The following GPC6 variants were observed in gnomAD, a reference collection of about 807,000 sequenced individuals.
GPC6 encodes glypican-6.
GPC6 carries 14 observed loss-of-function variants against 55.2 expected under a neutral mutation model. That is an observed-to-expected ratio of 0.25 (90% confidence interval 0.17 to 0.40). The LOEUF (loss-of-function observed/expected upper bound fraction) is 0.40. Ranked by LOEUF, GPC6 falls within the 10% of genes least tolerant of loss-of-function variation. The pLI, the probability that GPC6 is intolerant of heterozygous loss-of-function variation, is 1.00. For synonymous variants in GPC6, 278 were observed against 259.6 expected, an observed-to-expected ratio of 1.07 and a Z score of -0.68; for missense variants, 641 against 708.5, an observed-to-expected ratio of 0.90 and a Z score of 1.08.
Position 93,904,469 on chromosome 13 carries a change from T to C in GPC6, c.711+73924T>C, listed in dbSNP as rs1185695064. Among the ~76,000 whole-genome samples the C allele has an allele frequency of 2.0e-5, 3 of 152,188 alleles. 1 individual carries two copies. The highest frequency in any genetic ancestry group is 4.4e-5 in the Non-Finnish European group (3 of 68,038). On this transcript the variant is annotated intron_variant, in intron 3 of 8. Coordinates refer to ENST00000377047, the MANE Select transcript of GPC6 (RefSeq NM_005708.5). Reference sequence around the variant, plus strand: ...TGTGCAATGATAGCCTGTTATGATCTGTCAGAAGTGGAAAAACTTAACTTT... The same window carrying C: ...TGTGCAATGATAGCCTGTTATGATCCGTCAGAAGTGGAAAAACTTAACTTT...
chr13:94,372,100 CTT>C (rs1403792312), intron 6 of GPC6, among the ~76,000 whole-genome samples: 6 of 151,358 alleles, frequency 4.0e-5, no homozygotes, highest in African/African-American at 1.5e-4. Context: ...TTTTCCTTCT[CTT>C]TGTTTCTTTC....
intron 4 of GPC6, among the ~76,000 whole-genome samples, chr13:94,041,859 CA>C (rs919925559): frequency 6.6e-6 from 1 of 151,780 alleles, no homozygotes; most frequent in Non-Finnish European, 1.5e-5. Flanking sequence ...TTTCAACTTA[CA>C]AAAAAGTTGC....
chr13:94,204,871 C>T (rs1442206841), intron 4 of GPC6, among the ~76,000 whole-genome samples: 6 of 152,102 alleles, frequency 3.9e-5, no homozygotes, highest in Non-Finnish European at 7.4e-5. Flanking sequence ...CTTTAATAAA[C>T]ATTTATCTCT....
intron 4 of GPC6, among the ~76,000 whole-genome samples, chr13:94,117,924 A>G (rs1461643821): frequency 1.3e-5 from 2 of 152,116 alleles, no homozygotes; most frequent in Admixed American, 6.6e-5. Context: ...GAGGACATGT[A>G]ATTTGGAAAC....
chr13:93,644,850 C>G (rs552364435), intron 2 of GPC6, among the ~76,000 whole-genome samples: 1 of 151,880 alleles, frequency 6.6e-6, no homozygotes, highest in South Asian at 2.1e-4. Flanking sequence ...TGTATTTTTT[C>G]CCTGAAATTA....
chr13:93,568,158 A>G (rs1876228067), intron 2 of GPC6, among the ~76,000 whole-genome samples: 1 of 152,216 alleles, frequency 6.6e-6, no homozygotes, highest in Non-Finnish European at 1.5e-5. Flanking sequence ...AGGGATTCAG[A>G]TACTCCCTCC....
intron 1 of GPC6, among the ~76,000 whole-genome samples, chr13:93,411,583 A>T (rs1046546695): frequency 6.6e-6 from 1 of 152,224 alleles, no homozygotes; most frequent in Non-Finnish European, 1.5e-5. Context: ...CTCTGGGCAC[A>T]CTTATAGAAG....
intron 3 of GPC6, among the ~76,000 whole-genome samples, chr13:93,889,619 T>C (rs1356548016): frequency 6.6e-6 from 1 of 152,166 alleles, no homozygotes; most frequent in Non-Finnish European, 1.5e-5. Context: ...TACTTTGTAA[T>C]GAAGCTGAAT....
intron 3 of GPC6, among the ~76,000 whole-genome samples, chr13:93,863,469 T>C (rs145881411): frequency 6.6e-6 from 1 of 151,874 alleles, no homozygotes; most frequent in African/African-American, 2.4e-5. Context: ...AAACATGTTT[T>C]TATGTTACAG....
chr13:93,395,336 A>G lies in GPC6; in HGVS notation c.161-149927A>G, dbSNP rs1246219717. ...CTCTTGCTTTGACAGGGTTTTCCCAACTTCACAGTTGTGTCCATTCACAGG... is the reference window on the plus strand; with the variant it reads ...CTCTTGCTTTGACAGGGTTTTCCCAGCTTCACAGTTGTGTCCATTCACAGG... On this transcript the variant is annotated intron_variant, in intron 1 of 8. Coordinates refer to ENST00000377047, the MANE Select transcript of GPC6 (RefSeq NM_005708.5). 6.3e-6 allele frequency: 3 copies of G among 472,752 alleles called. No homozygotes were observed. The Admixed American group carries it at 7.0e-5, about 11-fold the overall frequency. 29.3% of individuals were successfully genotyped at this position (472,752 alleles called of 1,614,324 possible). A position where few individuals can be genotyped will look rare whatever the true frequency, so the allele number is the denominator to read the frequency against.
At chr13:94,382,283 T>C in intron 6 of GPC6, 131 bp from the exon 7 acceptor site, 1 of 937,946 alleles carries the variant, frequency 1.1e-6, no homozygotes, top group South Asian at 1.5e-5. Flanking sequence ...AGTGTCTCTC[T>C]CTTAAAACTG....
intron 4 of GPC6, among the ~76,000 whole-genome samples, chr13:94,037,320 T>C (rs554416631): frequency 1.3e-5 from 2 of 152,142 alleles, no homozygotes; most frequent in African/African-American, 4.8e-5. Flanking sequence ...TACCACACTT[T>C]ATTAATTAAA....
chr13:94,377,491 A>G (rs1220311530), intron 6 of GPC6, among the ~76,000 whole-genome samples: 3 of 148,832 alleles, frequency 2.0e-5, no homozygotes, highest in Non-Finnish European at 3.0e-5. Flanking sequence ...CAAAACCACA[A>G]TGAGATACCA....
chr13:94,232,217 T>G (rs1349063512), intron 4 of GPC6, among the ~76,000 whole-genome samples: 1 of 152,224 alleles, frequency 6.6e-6, no homozygotes, highest in Non-Finnish European at 1.5e-5. Flanking sequence ...TGACCATGTT[T>G]AGCTTAGTTC....
chr13:94,377,381 C>T (rs1879924935), intron 6 of GPC6, among the ~76,000 whole-genome samples: 2 of 111,356 alleles, frequency 1.8e-5, no homozygotes, highest in Admixed American at 2.0e-4. Context: ...AAAAAGTGGG[C>T]AAAGGACATG....
intron 1 of GPC6, among the ~76,000 whole-genome samples, chr13:93,524,388 G>T (rs1038915931): frequency 1.3e-4 from 19 of 151,940 alleles, no homozygotes; most frequent in Non-Finnish European, 1.3e-4. Flanking sequence ...GAATAAATAG[G>T]TACAATAAAA....
intron 3 of GPC6, among the ~76,000 whole-genome samples, chr13:93,955,285 A>G (rs1249399800): frequency 7.0e-6 from 1 of 142,418 alleles, no homozygotes; most frequent in East Asian, 2.1e-4. Context: ...ACACACACAC[A>G]CACCTGCCAA....
chr13:93,710,034 C>G (rs561774655), intron 2 of GPC6, among the ~76,000 whole-genome samples: 1 of 151,816 alleles, frequency 6.6e-6, no homozygotes, highest in East Asian at 2.0e-4. Flanking sequence ...TTGTAAATTA[C>G]CATTGGAATG....
intron 4 of GPC6, among the ~76,000 whole-genome samples, chr13:94,116,690 T>C (rs1345512697): frequency 6.6e-6 from 1 of 152,110 alleles, no homozygotes; most frequent in Non-Finnish European, 1.5e-5. Flanking sequence ...GTTTGTATTC[T>C]ACGATGGAGA....
Sources: gnomAD v4.1 joint callset for allele counts (sites outside exome capture counted in the v4.1 genomes callset) on GRCh38, gnomAD v4.1.1 for gene constraint, MANE v1.5 for transcripts, NCBI Gene and HGNC (gene_info 2026-07-23, HGNC 2026-07-21) for gene names.